Variants in DNAJC1 observed in about 807,000 individuals in gnomAD.
DNAJC1 encodes the protein dnaJ homolog subfamily C member 1.
DNAJC1 carries 58 observed loss-of-function variants against 76.6 expected under a neutral mutation model. That is an observed-to-expected ratio of 0.76 (90% CI 0.61 to 0.94). The LOEUF is 0.94. Among genes scored for constraint, DNAJC1 ranks in the 40% least tolerant of loss-of-function variants. The pLI is 0.00. For synonymous variants in DNAJC1, 258 were observed against 267.9 expected, an observed-to-expected ratio of 0.96 and a Z score of 0.36; for missense variants, 689 against 677.3, an observed-to-expected ratio of 1.02 and a Z score of -0.19.
intron 4 of DNAJC1, chr10:21,920,568 T>A: frequency 3.0e-6 from 1 of 330,126 alleles, no homozygotes; most frequent in Non-Finnish European, 5.4e-6. Context: ...ATATTTGGGC[T>A]TTCACAAAGT....
At chr10:21,771,645 G>A (rs1337194747) in intron 9 of DNAJC1, among the ~76,000 whole-genome samples, 2 of 151,988 alleles carry the variant, frequency 1.3e-5, no homozygotes, top group Non-Finnish European at 2.9e-5. Context: ...TTACAGGTGC[G>A]TGCCACCACA....
chr10:21,776,258 C>T (rs1005498442), intron 9 of DNAJC1, among the ~76,000 whole-genome samples: 2 of 152,112 alleles, frequency 1.3e-5, no homozygotes, highest in African/African-American at 4.8e-5. Context: ...TTCTGTTCAA[C>T]GTAAAGAAGA....
At chr10:21,784,901 G>C (rs537362134) in intron 9 of DNAJC1, among the ~76,000 whole-genome samples, 14 of 152,068 alleles carry the variant, frequency 9.2e-5, no homozygotes, top group Admixed American at 5.9e-4. Flanking sequence ...GGCCTGTCAT[G>C]GGGTGGGGGG....
At chr10:21,847,939 T>C (rs540471756) in intron 8 of DNAJC1, among the ~76,000 whole-genome samples, 567 of 152,278 alleles carry the variant, frequency 3.7e-3, no homozygotes, top group Non-Finnish European at 6.3e-3. Context: ...AGGTATCACT[T>C]TGATACCCTG....
intron 7 of DNAJC1, among the ~76,000 whole-genome samples, chr10:21,891,601 T>C (rs1375920326): frequency 6.6e-6 from 1 of 151,438 alleles, no homozygotes; most frequent in Non-Finnish European, 1.5e-5. Context: ...AGAAGTACAA[T>C]TCAAATGACA....
intron 7 of DNAJC1, among the ~76,000 whole-genome samples, chr10:21,902,603 C>T (rs1836677109): frequency 1.3e-5 from 2 of 152,118 alleles, no homozygotes; most frequent in South Asian, 2.1e-4. Context: ...CTGTGCCCGG[C>T]CAAGAGGAGA....
chr10:21,914,487 G>A (rs1022385490), intron 6 of DNAJC1, among the ~76,000 whole-genome samples: 1 of 152,142 alleles, frequency 6.6e-6, no homozygotes, highest in African/African-American at 2.4e-5. Flanking sequence ...AATGTACACA[G>A]ATCTTTCACA....
intron 9 of DNAJC1, among the ~76,000 whole-genome samples, chr10:21,805,613 T>G (rs1834874284): frequency 6.6e-6 from 1 of 152,166 alleles, no homozygotes; most frequent in Admixed American, 6.6e-5. Context: ...AATCGCAATC[T>G]GTACTTCAAT....
chr10:21,942,218 C>G (rs1203398507), intron 1 of DNAJC1, among the ~76,000 whole-genome samples: 3 of 151,974 alleles, frequency 2.0e-5, no homozygotes, highest in African/African-American at 7.3e-5. Context: ...AATTAAAGGT[C>G]AAAAGCAAGT....
chr10:21,942,008 A>C (rs1837421678), intron 1 of DNAJC1, among the ~76,000 whole-genome samples: 1 of 152,196 alleles, frequency 6.6e-6, no homozygotes. Flanking sequence ...GAAGTATAAC[A>C]CATACTACAG....
At chr10:21,909,140 G>C (rs1385606102) in intron 6 of DNAJC1, among the ~76,000 whole-genome samples, 1 of 152,110 alleles carries the variant, frequency 6.6e-6, no homozygotes, top group Non-Finnish European at 1.5e-5. Flanking sequence ...TGCCTGCTTC[G>C]GCCTCCCAAA....
chr10:21,776,447 T>C (rs905320650), intron 9 of DNAJC1, among the ~76,000 whole-genome samples: 5 of 152,224 alleles, frequency 3.3e-5, no homozygotes, highest in African/African-American at 1.2e-4. Context: ...GTGAAGTTCA[T>C]TATTTTCATT....
chr10:21,904,098 A>G (rs931317721), intron 7 of DNAJC1, among the ~76,000 whole-genome samples: 4 of 152,244 alleles, frequency 2.6e-5, no homozygotes, highest in Non-Finnish European at 4.4e-5. Flanking sequence ...CTATATAACA[A>G]TATTGCAAAT....
intron 8 of DNAJC1, among the ~76,000 whole-genome samples, chr10:21,832,226 C>T (rs1302948923): frequency 6.6e-6 from 1 of 152,166 alleles, no homozygotes; most frequent in Admixed American, 6.6e-5. Flanking sequence ...TATTTTAAGT[C>T]ACAGTAATCT....
chr10:21,816,536 T>A (rs1261914493), intron 8 of DNAJC1, among the ~76,000 whole-genome samples: 1 of 146,586 alleles, frequency 6.8e-6, no homozygotes, highest in Non-Finnish European at 1.5e-5. Context: ...AGAGACACTG[T>A]CTCTCTCTCT....
chr10:21,766,543 G>T (rs1834301672), intron 9 of DNAJC1, among the ~76,000 whole-genome samples: 1 of 152,148 alleles, frequency 6.6e-6, no homozygotes, highest in African/African-American at 2.4e-5. Context: ...TTCAGGACAA[G>T]AACTCACATC....
intron 8 of DNAJC1, among the ~76,000 whole-genome samples, chr10:21,843,780 T>C (rs1199348857): frequency 6.6e-6 from 1 of 151,430 alleles, no homozygotes; most frequent in African/African-American, 2.4e-5. Context: ...CACTCTGTCA[T>C]CCAGGCTGAA....
chr10:21,869,543 C>A (rs1836067666), intron 8 of DNAJC1, among the ~76,000 whole-genome samples: 1 of 152,100 alleles, frequency 6.6e-6, no homozygotes, highest in East Asian at 1.9e-4. Flanking sequence ...TGTAACTCAA[C>A]CACCTCGGGC....
At chr10:21,790,728 A>T (rs1182909413) in intron 9 of DNAJC1, among the ~76,000 whole-genome samples, 1 of 152,142 alleles carries the variant, frequency 6.6e-6, no homozygotes, top group Non-Finnish European at 1.5e-5. Context: ...TGTTATAGCA[A>T]ATACACAAAG....
Sources: gnomAD v4.1 joint callset for allele counts (sites outside exome capture counted in the v4.1 genomes callset) on GRCh38, gnomAD v4.1.1 for gene constraint, MANE v1.5 for transcripts, NCBI Gene and HGNC (gene_info 2026-07-23, HGNC 2026-07-21) for gene names.